The following MBOAT7 variants were observed in gnomAD, a reference collection of about 807,000 sequenced individuals.
MBOAT7 encodes membrane bound acylglycerophosphatidylinositol O-acyltransferase MBOAT7, also known as membrane-bound acylglycerophosphatidylinositol O-acyltransferase MBOAT7.
A neutral mutation model predicts 47.4 loss-of-function variants in MBOAT7; 40 were observed. That is an observed-to-expected ratio of 0.84 (90% CI 0.66 to 1.10). The LOEUF is 1.10. MBOAT7 is among the 50% of genes least tolerant of loss of function. The pLI, the probability that MBOAT7 is intolerant of heterozygous loss-of-function variation, is 0.00. For missense variants in MBOAT7, 680 were observed against 655.6 expected, an observed-to-expected ratio of 1.04 and a Z score of -0.41; for synonymous variants, 361 against 292.0, an observed-to-expected ratio of 1.24 and a Z score of -2.41.
chr19:54,183,832 G>T, intron 4 of MBOAT7, 152 bp from the exon 5 acceptor site: 1 of 714,672 alleles, frequency 1.4e-6, no homozygotes, highest in Non-Finnish European at 2.1e-6. Context: ...TAGCTGGGCG[G>T]TGTTCCCCAG....
intron 7 of MBOAT7, among the ~76,000 whole-genome samples, chr19:54,175,674 C>T (rs1304706955): frequency 6.6e-6 from 1 of 152,224 alleles, no homozygotes; most frequent in East Asian, 1.9e-4. Flanking sequence ...CTCAGCCTCC[C>T]AAGTAGCTGG....
rs780510737 is a variant in MBOAT7, at chr19:54,188,548, G to C, written c.-3-37C>G. On this transcript the variant is annotated intron_variant, in intron 1 of 7. Coordinates refer to ENST00000245615, the MANE Select transcript of MBOAT7 (RefSeq NM_024298.5). ...GCAGAGATTCACAGTGAGAACCCAG[G>C]AATCCAGGCCCCCTGCCTCCTCCCT... The C allele has an allele frequency of 4.5e-6, 7 of 1,540,340 alleles. 1 individual carries two copies. The South Asian group carries it at 7.2e-5, about 16-fold the overall frequency.
intron 5 of MBOAT7, 105 bp from the exon 6 acceptor site, chr19:54,181,238 G>A (rs757664279): frequency 1.2e-5 from 16 of 1,351,448 alleles, no homozygotes; most frequent in Non-Finnish European, 1.6e-5. Flanking sequence ...AAGAGGGAGT[G>A]AGAGGGGCAG....
At chr19:54,176,473 G>C (rs1324159137) in intron 7 of MBOAT7, among the ~76,000 whole-genome samples, 1 of 152,098 alleles carries the variant, frequency 6.6e-6, no homozygotes, top group African/African-American at 2.4e-5. Context: ...CAGGAGGATT[G>C]CTTGAACCTG....
Position 54,179,278 on chromosome 19 carries a change from C to G in MBOAT7, c.855-337G>C, listed in dbSNP as rs868125509. 9 of 377,382 alleles carry G rather than the reference C, an allele frequency of 2.4e-5. No homozygotes were observed. In the Middle Eastern group the frequency reaches 2.8e-3, roughly 118 times the overall value. The allele number at this position is 377,382 out of a possible 1,614,324, so 23.4% of individuals were successfully genotyped here. A position where few individuals can be genotyped will look rare whatever the true frequency, so the allele number is the denominator to read the frequency against. On this transcript the variant is annotated intron_variant, in intron 6 of 7. Transcript: ENST00000245615. Reference sequence around the variant, plus strand: ...ACCAAGCTCAGTATATTCAGAGAAGCCGCCAAGGATGGTCCCTTCTAAATT... The same window carrying G: ...ACCAAGCTCAGTATATTCAGAGAAGGCGCCAAGGATGGTCCCTTCTAAATT...
chr19:54,188,073 A>AGAAAGAAAGAAAG lies in MBOAT7; in HGVS notation c.206+143_206+144insCTTTCTTTCTTTC, dbSNP rs1555842646. The AGAAAGAAAGAAAG allele has an allele frequency of 4.1e-5, 26 of 634,160 alleles. 1 individual carries two copies. Among genetic ancestry groups the AGAAAGAAAGAAAG allele is most frequent in the African/African-American group, 1.5e-4 (6 of 41,204 alleles). The allele number at this position is 634,160 out of a possible 1,614,324, so 39.3% of individuals were successfully genotyped here. Reference sequence around the variant, plus strand: ...AGAAAGAAAGAAAGAAAGAAAGACAAACAAACAAACATGAAACAGAGAAAT... The same window carrying AGAAAGAAAGAAAG: ...AGAAAGAAAGAAAGAAAGAAAGACAAGAAAGAAAGAAAGACAAACAAACATGAAACAGAGAAAT... On this transcript the variant is annotated intron_variant, in intron 3 of 7. Coordinates refer to ENST00000245615, the MANE Select transcript of MBOAT7 (RefSeq NM_024298.5).
Position 54,174,397 on chromosome 19 carries a change from G to T in MBOAT7, c.1066C>A (p.His356Asn). 6.3e-7 allele frequency: 1 copy of T among 1,598,654 alleles called. No homozygotes were observed. ...AGGTAGTAGCCCGGGTGGAGGCCGT[G>T]CCAGTAGGCGCTCAGCAGCATGGTC... ...AWTMLLSAYW[H>N]GLHPGYYLSF... Residue 356 changes from histidine to asparagine, a missense_variant, in exon 8 of 8, where the codon CAC (histidine) becomes AAC (asparagine). Transcript: ENST00000245615.
chr19:54,185,188 G>C (rs933436270), intron 4 of MBOAT7, among the ~76,000 whole-genome samples: 93 of 152,250 alleles, frequency 6.1e-4, no homozygotes, highest in African/African-American at 2.2e-3. Flanking sequence ...CTGGGCAACA[G>C]AGCGAGACTC....
intron 5 of MBOAT7, among the ~76,000 whole-genome samples, chr19:54,182,513 T>TC (rs34639367): frequency 0.73 from 108,613 of 147,834 alleles, 40,037 homozygotes; most frequent in East Asian, 0.75. Context: ...TTGTTTTTTT[T>TC]CAGGAAATTA....
intron 7 of MBOAT7, among the ~76,000 whole-genome samples, chr19:54,176,891 C>G (rs2076121556): frequency 6.6e-6 from 1 of 151,824 alleles, no homozygotes; most frequent in Non-Finnish European, 1.5e-5. Flanking sequence ...CATCTCTATA[C>G]ATTTTTTAAA....
chr19:54,180,691 C>G lies in MBOAT7; in HGVS notation c.854+82G>C. On this transcript the variant is annotated intron_variant, in intron 6 of 7. Transcript: ENST00000245615. This position sits in a 1 kb window ranked among gnomAD's most constrained non-coding sequence, Gnocchi z 5.2. ...GGTGGCCCTGGCCCCTTGCTCCCCG[C>G]TCTCCTCCCGGCTAGGGGCAGAGCC... 1 of 1,341,698 alleles carries G rather than the reference C, an allele frequency of 7.5e-7. No individual in the cohort carries two copies. Among genetic ancestry groups the G allele is most frequent in the Non-Finnish European group, 9.8e-7 (1 of 1,016,460 alleles). 83.1% of individuals were successfully genotyped at this position (1,341,698 alleles called of 1,614,324 possible). A position where few individuals can be genotyped will look rare whatever the true frequency, so the allele number is the denominator to read the frequency against.
At chr19:54,184,161 C>CTT (rs770373656) in intron 4 of MBOAT7, among the ~76,000 whole-genome samples, 13 of 103,916 alleles carry the variant, frequency 1.3e-4, no homozygotes, top group East Asian at 3.6e-4. Context: ...ATCTCTCTCT[C>CTT]TTTTTTTTTT....
intron 7 of MBOAT7, among the ~76,000 whole-genome samples, chr19:54,175,076 C>T (rs915091512): frequency 2.0e-5 from 3 of 150,824 alleles, no homozygotes; most frequent in Non-Finnish European, 3.0e-5. Context: ...CCCAGGTTCA[C>T]GCCATTCTCC....
Position 54,174,522 on chromosome 19 carries a change from C to G in MBOAT7, c.1032-91G>C. On this transcript the variant is annotated intron_variant, in intron 7 of 7. Transcript: ENST00000245615. ...CAGGAGTCCAGGACCCCAGCCCCTC[C>G]TCCCTCAGACCGAGAAGTGCAGGCC... 4 of 1,325,748 alleles carry G rather than the reference C, an allele frequency of 3.0e-6. No homozygotes were observed. In the South Asian group the frequency reaches 4.6e-5, roughly 15 times the overall value. The allele number at this position is 1,325,748 out of a possible 1,614,324, so 82.1% of individuals were successfully genotyped here.
In MBOAT7 at chr19:54,185,897, T is replaced by C. The variant is rs183476236; in HGVS notation, c.333+1264A>G. 4.0e-5 allele frequency among the ~76,000 whole-genome samples: 6 copies of C among 151,534 alleles called. No homozygotes were observed. The East Asian group carries it at 9.8e-4, about 25-fold the overall frequency. The stretch of plus-strand genomic sequence containing the variant: ...TTTTAGTAGAGACGGAGTTTTACCA[T>C]GTTGGCCAGGATGGTCTCAAACTCC... On this transcript the variant is annotated intron_variant, in intron 4 of 7. Coordinates refer to ENST00000245615, the MANE Select transcript of MBOAT7 (RefSeq NM_024298.5).
At chr19:54,177,356 C>T (rs996865124) in intron 7 of MBOAT7, among the ~76,000 whole-genome samples, 12 of 151,662 alleles carry the variant, frequency 7.9e-5, no homozygotes, top group African/African-American at 1.7e-4. Context: ...AGTGCAGTGG[C>T]GCGATCTCGG....
Position 54,178,823 on chromosome 19 carries a change from G to A in MBOAT7, c.973C>T (p.Gln325Ter), listed in dbSNP as rs772115812. 1 of 1,613,598 alleles carries A rather than the reference G, an allele frequency of 6.2e-7. No homozygotes were observed. The highest frequency in any genetic ancestry group is 8.5e-7 in the Non-Finnish European group (1 of 1,180,032). The stretch of plus-strand genomic sequence containing the variant: ...TAGATATACTGCGCCAGCCACCACT[G>A]CACCGTCATGTTCCAGTACCGCATG... ...DGMRYWNMTV[Q>*]WWLAQYIYKS... Residue 325 changes from glutamine (Q) to a stop codon, truncating the protein, a stop_gained, in exon 7 of 8, where the codon CAG (glutamine) becomes TAG (stop). Transcript: ENST00000245615. LOFTEE classifies it high-confidence loss of function.
intron 7 of MBOAT7, among the ~76,000 whole-genome samples, chr19:54,175,857 T>C (rs2076092208): frequency 6.6e-6 from 1 of 152,218 alleles, no homozygotes; most frequent in Admixed American, 6.5e-5. Context: ...CCCGAGCAGC[T>C]GGGACTACAG....
rs1455505120 is a variant in MBOAT7, at chr19:54,181,123, G to C, written c.504C>G (p.Phe168Leu). ...GCCAGTCCAGGTAGGTGCGGTAGCG[G>C]AAGAACGGGCCTGTGGGGCGGGGAG... ...CYVGIMTGPF[F>L]RYRTYLDWLE... The change falls in exon 6 of 8, where the codon TTC (phenylalanine) becomes TTG (leucine). Residue 168 changes from phenylalanine (F) to leucine (L), a missense_variant. By Grantham distance (22) the Phe-to-Leu change is conservative (BLOSUM62 0). Transcript: ENST00000245615. 3 of 1,444,102 alleles carry C rather than the reference G, an allele frequency of 2.1e-6. No homozygotes were observed. Among genetic ancestry groups the C allele is most frequent in the Non-Finnish European group, 2.7e-6 (3 of 1,093,926 alleles). 89.5% of individuals were successfully genotyped at this position (1,444,102 alleles called of 1,614,324 possible).
Sources: gnomAD v4.1 joint callset for allele counts (sites outside exome capture counted in the v4.1 genomes callset) on GRCh38, gnomAD v4.1.1 for gene constraint, Gnocchi (gnomAD v3.1) non-coding constraint, MANE v1.5 for transcripts, NCBI Gene and HGNC (gene_info 2026-07-23, HGNC 2026-07-21) for gene names.